RLF: variants seen among roughly 807,000 people sequenced by gnomAD.
RLF encodes the protein zinc finger protein Rlf.
RLF carries 7 observed loss-of-function variants against 162.9 expected under a neutral mutation model. The observed-to-expected ratio is 0.04, with a 90% CI of 0.02 to 0.08. The LOEUF (loss-of-function observed/expected upper bound fraction) is 0.08, where lower values mean the gene tolerates loss of function less well. RLF is among the 10% of genes least tolerant of loss of function. The pLI is 1.00. For missense variants in RLF, 1,664 were observed against 2,244.7 expected, an observed-to-expected ratio of 0.74 and a Z score of 5.23; for synonymous variants, 782 against 791.5, an observed-to-expected ratio of 0.99 and a Z score of 0.20.
intron 6 of RLF, among the ~76,000 whole-genome samples, chr1:40,229,606 C>T (rs1015406377): frequency 6.6e-6 from 1 of 151,610 alleles, no homozygotes. Flanking sequence ...AGGCATGCAC[C>T]ACCACACCCA....
chr1:40,240,155 T>C lies in RLF; in HGVS notation c.5453T>C (p.Val1818Ala). The C allele has an allele frequency of 6.2e-7, 1 of 1,614,210 alleles. No homozygotes were observed. Among genetic ancestry groups the C allele is most frequent in the Non-Finnish European group, 8.5e-7 (1 of 1,180,040 alleles). ...GGGAATGTTGTGGCAAATAATATGG[T>C]GAATGACAGTGAACCTGAAGTTGAC... is the stretch of plus-strand genomic sequence containing the variant. ...LTGNVVANNM[V>A]NDSEPEVDIP... is the part of the protein sequence containing the mutation. The change falls in exon 8 of 8, where the codon GTG (valine) becomes GCG (alanine). Residue 1818 changes from valine (V) to alanine (A), a missense_variant. By Grantham distance (64) the Val-to-Ala change is moderately conservative. This residue lies in a region of RLF where 327 missense variants were observed against 342.7 expected (regional missense o/e 0.95). Transcript: ENST00000372771.
chr1:40,182,001 TA>T (rs1642410269), intron 1 of RLF, among the ~76,000 whole-genome samples: 1 of 152,180 alleles, frequency 6.6e-6, no homozygotes, highest in African/African-American at 2.4e-5. Context: ...ATTATGTCCA[TA>T]AATAAATAAT....
intron 1 of RLF, among the ~76,000 whole-genome samples, chr1:40,170,067 A>G (rs1032227422): frequency 1.3e-5 from 2 of 152,116 alleles, no homozygotes; most frequent in East Asian, 3.9e-4. Context: ...GCATTTGCCA[A>G]ACTTACCAGG....
intron 5 of RLF, among the ~76,000 whole-genome samples, chr1:40,203,596 A>C (rs1557749861): frequency 6.6e-6 from 1 of 151,680 alleles, no homozygotes; most frequent in Non-Finnish European, 1.5e-5. Context: ...AAAAAAAAAA[A>C]CCTCAATTAT....
rs1472276343 is a variant in RLF at position 40,236,165 on chromosome 1, C to A, written c.1463C>A (p.Ser488Ter). ...HCHQLLGQEA[S>*]DSDDDLSGYE... ...CACCAACTTTTAGGACAAGAAGCCT[C>A]AGATTCTGATGATGATTTAAGTGGC... Residue 488 changes from serine to a stop codon, truncating the protein, a stop_gained, in exon 8 of 8, where the codon TCA becomes TAA. Transcript: ENST00000372771. LOFTEE classifies it high-confidence loss of function. The surrounding 1 kb of genome is among the most constrained non-coding windows in gnomAD (Gnocchi z 7.7). The A allele has an allele frequency of 6.2e-7, 1 of 1,613,620 alleles. No individual in the cohort carries two copies. Among genetic ancestry groups the A allele is most frequent in the Non-Finnish European group, 8.5e-7 (1 of 1,179,946 alleles).
chr1:40,186,618 T>C (rs61780446), intron 1 of RLF, among the ~76,000 whole-genome samples: 7,939 of 152,220 alleles, frequency 0.052, 603 homozygotes, highest in African/African-American at 0.17. Context: ...TTGCATACTT[T>C]AGTTAGCAGT....
rs1245102342 is a variant in RLF at position 40,238,997 on chromosome 1, A to G, written c.4295A>G (p.His1432Arg). Residue 1432 changes from histidine (H) to arginine (R), a missense_variant, in exon 8 of 8, where the codon CAT becomes CGT. Physicochemically the swap from His to Arg is conservative, Grantham distance 29 (BLOSUM62 0). This residue lies in a region of RLF where 200 missense variants were observed against 207.3 expected (regional missense o/e 0.96). Coordinates refer to ENST00000372771, the MANE Select transcript of RLF (RefSeq NM_012421.4). This position sits in a 1 kb window ranked among gnomAD's most constrained non-coding sequence, Gnocchi z 5.2. ...TTGAAGCACCACTTGATGGAACAGC[A>G]TAATATTGAAGGGGAAATACATTCA... ...NKLKHHLMEQHNIEGEIHSDY... is the reference protein window; with the variant it reads ...NKLKHHLMEQRNIEGEIHSDY... The G allele has an allele frequency of 4.3e-6, 7 of 1,614,112 alleles. No individual in the cohort carries two copies. The highest frequency in any genetic ancestry group is 4.0e-5 in the African/African-American group (3 of 74,952).
chr1:40,164,130 TATAAAG>T (rs963845922), intron 1 of RLF, among the ~76,000 whole-genome samples: 4 of 152,224 alleles, frequency 2.6e-5, no homozygotes, highest in Non-Finnish European at 5.9e-5. Flanking sequence ...GCACATAATA[TATAAAG>T]ATAGATTGTA....
chr1:40,178,375 T>A (rs934933874), intron 1 of RLF, among the ~76,000 whole-genome samples: 1 of 152,094 alleles, frequency 6.6e-6, no homozygotes, highest in East Asian at 1.9e-4. Context: ...GGAAATAGAA[T>A]AGTGGTTGCC....
rs1230743246 is a variant in RLF at position 40,238,618 on chromosome 1, T to C, written c.3916T>C (p.Tyr1306His). The C allele has an allele frequency of 1.2e-6, 2 of 1,613,524 alleles. No individual in the cohort carries two copies. Among genetic ancestry groups the C allele is most frequent in the Non-Finnish European group, 8.5e-7 (1 of 1,179,970 alleles). ...AAATCTGTGTTATATTTTGAATAAA[T>C]ACCACAAACCATTCCATTGTATTCA... Reference protein sequence around the residue: ...KGNLCYILNKYHKPFHCIHKT... With the variant: ...KGNLCYILNKHHKPFHCIHKT... The change falls in exon 8 of 8, where the codon TAC becomes CAC. Residue 1306 changes from tyrosine to histidine, a missense_variant. Physicochemically the swap from Tyr to His is moderately conservative, Grantham distance 83. Coordinates refer to ENST00000372771, the MANE Select transcript of RLF (RefSeq NM_012421.4). The surrounding 1 kb of genome is among the most constrained non-coding windows in gnomAD (Gnocchi z 5.2).
At chr1:40,191,857 T>C (rs1642564857) in intron 3 of RLF, among the ~76,000 whole-genome samples, 1 of 152,258 alleles carries the variant, frequency 6.6e-6, no homozygotes, top group East Asian at 1.9e-4. Flanking sequence ...GTGAGAATTA[T>C]TTGAATCTCC....
chr1:40,163,535 C>T (rs1457507516), intron 1 of RLF, among the ~76,000 whole-genome samples: 1 of 151,992 alleles, frequency 6.6e-6, no homozygotes, highest in Non-Finnish European at 1.5e-5. Context: ...TTGGTGACAC[C>T]AGAGATGTGA....
chr1:40,194,200 C>T (rs1235672475), intron 3 of RLF, among the ~76,000 whole-genome samples: 1 of 152,114 alleles, frequency 6.6e-6, no homozygotes, highest in African/African-American at 2.4e-5. Context: ...AGCCACCTGT[C>T]ATTTAAATAG....
intron 6 of RLF, 48 bp downstream of exon 6, chr1:40,222,758 G>A (rs767025065): frequency 1.3e-6 from 2 of 1,502,112 alleles, no homozygotes; most frequent in Non-Finnish European, 1.8e-6. Context: ...ACATAGTATA[G>A]CATTTAGGGT....
At chr1:40,189,419 A>G (rs1398835775) in intron 2 of RLF, among the ~76,000 whole-genome samples, 2 of 152,114 alleles carry the variant, frequency 1.3e-5, no homozygotes, top group Non-Finnish European at 2.9e-5. Flanking sequence ...TTGCCTCTAG[A>G]GTCTCTTTTC....
rs778720166 is a variant in RLF, at chr1:40,202,390, TTTTA to T, written c.608-18_608-15del. 4 of 1,509,670 alleles carry T rather than the reference TTTTA, an allele frequency of 2.6e-6. No individual in the cohort carries two copies. Among genetic ancestry groups the T allele is most frequent in the East Asian group, 4.7e-5 (2 of 42,320 alleles). The allele number at this position is 1,509,670 out of a possible 1,614,324, so 93.5% of individuals were successfully genotyped here. On this transcript the variant is annotated intron_variant, in intron 4 of 7. Transcript: ENST00000372771. ...TGTTATGTGGTATGTTGTCAAACTG[TTTTA>T]TTTTTCATTTTTTCTAGTCAATAAA... is the stretch of plus-strand genomic sequence containing the variant.
At chr1:40,231,370 A>G in intron 6 of RLF, 147 bp from the exon 7 acceptor site, 1 of 607,790 alleles carries the variant, frequency 1.6e-6, no homozygotes, top group African/African-American at 1.8e-5. Flanking sequence ...GTTTGGGAGA[A>G]AGCAGTGGTG....
intron 6 of RLF, among the ~76,000 whole-genome samples, chr1:40,224,623 C>G (rs977741375): frequency 6.0e-5 from 2 of 33,262 alleles, no homozygotes; most frequent in East Asian, 1.4e-3. Context: ...TTTTTGAAAG[C>G]TTTTTTTTTT....
chr1:40,166,967 A>G (rs1642176142), intron 1 of RLF, among the ~76,000 whole-genome samples: 1 of 152,160 alleles, frequency 6.6e-6, no homozygotes, highest in African/African-American at 2.4e-5. Context: ...ACAAACCTGC[A>G]TGTTGTGCAC....
Sources: gnomAD v4.1 joint callset for allele counts (sites outside exome capture counted in the v4.1 genomes callset) on GRCh38, gnomAD v4.1.1 for gene constraint, gnomAD v4.1.1 regional missense constraint, Gnocchi (gnomAD v3.1) non-coding constraint, MANE v1.5 for transcripts, NCBI Gene and HGNC (gene_info 2026-07-23, HGNC 2026-07-21) for gene names.